The following SCARB1 variants were observed in gnomAD, a reference collection of about 807,000 sequenced individuals.
SCARB1 encodes the protein scavenger receptor class B member 1.
A neutral mutation model predicts 57.2 loss-of-function variants in SCARB1; 30 were observed. The observed-to-expected ratio is 0.52, with a 90% confidence interval of 0.39 to 0.71. SCARB1 has a LOEUF of 0.71. Among genes scored for constraint, SCARB1 ranks in the 30% least tolerant of loss-of-function variants. The pLI, the probability that SCARB1 is intolerant of heterozygous loss-of-function variation, is 0.00. For synonymous variants in SCARB1, 249 were observed against 268.3 expected (o/e 0.93, Z 0.70); for missense variants, 543 against 671.2 (o/e 0.81, Z 2.11).
chr12:124,832,987 G>A (rs1951468517), intron 1 of SCARB1, among the ~76,000 whole-genome samples: 2 of 152,006 alleles, frequency 1.3e-5, no homozygotes, highest in Non-Finnish European at 2.9e-5. Context: ...TCCTTCTGGA[G>A]CTCAGGGGGA....
At chr12:124,860,141 A>G (rs1169201871) in intron 1 of SCARB1, among the ~76,000 whole-genome samples, 3 of 152,086 alleles carry the variant, frequency 2.0e-5, no homozygotes, top group Non-Finnish European at 4.4e-5. Flanking sequence ...TAGTAGAGAC[A>G]GGGTTTAGCC....
chr12:124,801,153 C>G (rs1252257638), intron 7 of SCARB1, among the ~76,000 whole-genome samples: 1 of 152,130 alleles, frequency 6.6e-6, no homozygotes, highest in African/African-American at 2.4e-5. Context: ...GAGCCGTGAC[C>G]GTGCCACTGC....
At chr12:124,835,718 G>C (rs2093814683) in intron 1 of SCARB1, among the ~76,000 whole-genome samples, 2 of 152,210 alleles carry the variant, frequency 1.3e-5, no homozygotes, top group Admixed American at 1.3e-4. Context: ...GATTTTGCCA[G>C]TAGATGGGTT....
chr12:124,793,488 T>C (rs1457519608), intron 9 of SCARB1, among the ~76,000 whole-genome samples: 1 of 151,266 alleles, frequency 6.6e-6, no homozygotes, highest in African/African-American at 2.4e-5. Flanking sequence ...GGTCAGGAGA[T>C]CGAGACCAAC....
intron 12 of SCARB1, among the ~76,000 whole-genome samples, chr12:124,779,636 A>G (rs1873041565): frequency 6.6e-6 from 1 of 152,206 alleles, no homozygotes; most frequent in South Asian, 2.1e-4. Context: ...AAATTTCTCA[A>G]CTTAAAAATT....
intron 7 of SCARB1, among the ~76,000 whole-genome samples, chr12:124,802,947 C>T (rs545595292): frequency 1.1e-4 from 16 of 152,230 alleles, no homozygotes; most frequent in African/African-American, 2.9e-4. Context: ...ACCACGGTCA[C>T]GGTCGAAAAA....
intron 1 of SCARB1, among the ~76,000 whole-genome samples, chr12:124,848,170 G>A (rs537158176): frequency 7.2e-5 from 11 of 152,244 alleles, no homozygotes; most frequent in Middle Eastern, 3.4e-3. Context: ...TGCAACCTCC[G>A]CCTCCTGGGT....
chr12:124,811,777 G>T, intron 5 of SCARB1, 93 bp downstream of exon 5: 1 of 803,438 alleles, frequency 1.2e-6, no homozygotes. Context: ...AAGGAAGAAG[G>T]AGCTCTCTGG....
Position 124,817,758 on chromosome 12 carries a change from C to A in SCARB1, c.127-51G>T. 6.2e-7 allele frequency: 1 copy of A among 1,600,344 alleles called. No homozygotes were observed. Among genetic ancestry groups the A allele is most frequent in the Non-Finnish European group, 8.6e-7 (1 of 1,167,958 alleles). ...TGTGAGGAGAGTGATGAGGGCCCCA[C>A]GCCCCACCACAAGGCTCCGGAACAG... On this transcript the variant is annotated intron_variant, in intron 1 of 12. Coordinates refer to ENST00000261693, the MANE Select transcript of SCARB1 (RefSeq NM_005505.5). The surrounding 1 kb of genome is among the most constrained non-coding windows in gnomAD (Gnocchi z 4.8).
chr12:124,808,714 A>G (rs2135646551), intron 6 of SCARB1, among the ~76,000 whole-genome samples: 1 of 151,336 alleles, frequency 6.6e-6, no homozygotes, highest in South Asian at 2.1e-4. Context: ...TGTGCTACCC[A>G]CTCTGTCCAC....
intron 1 of SCARB1, among the ~76,000 whole-genome samples, chr12:124,832,344 A>G (rs1354069211): frequency 1.3e-5 from 2 of 152,148 alleles, no homozygotes; most frequent in Non-Finnish European, 2.9e-5. Context: ...ACATAGTGAA[A>G]TCCCGACTCT....
Position 124,817,847 on chromosome 12 carries a change from A to G in SCARB1, c.127-140T>C. Reference sequence around the variant, plus strand: ...AGCTTGGGATAGGAGGTGGTGGGAAAGCCCTTCGCACATGAGGCTGTCGCA... The same window carrying G: ...AGCTTGGGATAGGAGGTGGTGGGAAGGCCCTTCGCACATGAGGCTGTCGCA... On this transcript the variant is annotated intron_variant, in intron 1 of 12. Coordinates refer to ENST00000261693, the MANE Select transcript of SCARB1 (RefSeq NM_005505.5). This position sits in a 1 kb window ranked among gnomAD's most constrained non-coding sequence, Gnocchi z 4.8. 2.3e-6 allele frequency: 2 copies of G among 870,374 alleles called. No homozygotes were observed. Among genetic ancestry groups the G allele is most frequent in the South Asian group, 2.7e-5 (2 of 74,960 alleles). The allele number at this position is 870,374 out of a possible 1,614,324, so 53.9% of individuals were successfully genotyped here.
intron 2 of SCARB1, among the ~76,000 whole-genome samples, chr12:124,815,781 G>A (rs1288074307): frequency 1.3e-5 from 2 of 152,274 alleles, no homozygotes; most frequent in Middle Eastern, 3.4e-3. Flanking sequence ...CAGGAGAATC[G>A]CTTGAACCTG....
Position 124,782,801 on chromosome 12 carries a change from T to C in SCARB1, c.1412A>G (p.Tyr471Cys), listed in dbSNP as rs781780915. 1.7e-5 allele frequency: 27 copies of C among 1,613,938 alleles called. No individual in the cohort carries two copies. Among genetic ancestry groups the C allele is most frequent in the Non-Finnish European group, 2.3e-5 (27 of 1,179,834 alleles). ...ICQIRSQEKC[Y>C]LFWSSSKKGS... ...CTTTTTACTACTACTCCAAAATAAATAGCATTTCTCCTAGAAGATAACCAA... is the reference window on the plus strand; with the variant it reads ...CTTTTTACTACTACTCCAAAATAAACAGCATTTCTCCTAGAAGATAACCAA... Residue 471 changes from tyrosine to cysteine, a missense_variant, in exon 12 of 13, where the codon TAT becomes TGT. Transcript: ENST00000261693.
At chr12:124,787,942 A>G (rs1949582587) in intron 9 of SCARB1, among the ~76,000 whole-genome samples, 1 of 152,182 alleles carries the variant, frequency 6.6e-6, no homozygotes, top group Non-Finnish European at 1.5e-5. Flanking sequence ...TTATTATAGT[A>G]TTTGTTATAA....
intron 12 of SCARB1, among the ~76,000 whole-genome samples, chr12:124,779,669 A>C (rs1873052556): frequency 6.6e-6 from 1 of 152,008 alleles, no homozygotes; most frequent in African/African-American, 2.4e-5. Context: ...AATGCTAATG[A>C]TAAGAGTGTG....
At chr12:124,801,913 G>C (rs984072916) in intron 7 of SCARB1, among the ~76,000 whole-genome samples, 5 of 151,866 alleles carry the variant, frequency 3.3e-5, no homozygotes, top group African/African-American at 1.2e-4. Context: ...CACTTTAGGA[G>C]GCCGAGGCGG....
rs539357133 is a variant in SCARB1, at chr12:124,781,969, G to A, written c.*714C>T. Among the ~76,000 whole-genome samples the A allele has an allele frequency of 1.2e-3, 185 of 152,154 alleles. 1 individual carries two copies. Among genetic ancestry groups the A allele is most frequent in the African/African-American group, 4.2e-3 (173 of 41,510 alleles). On this transcript the variant is annotated intron_variant, in intron 12 of 12. Transcript: ENST00000261693. ...CACCCAGGCTGGAGTGCAGTGGCAC[G>A]ATCTTGGCTCACTGCAACCTCCATC...
At chr12:124,862,672 C>T (rs1952945613) in intron 1 of SCARB1, among the ~76,000 whole-genome samples, 1 of 130,006 alleles carries the variant, frequency 7.7e-6, no homozygotes, top group Non-Finnish European at 1.6e-5. Context: ...TTTCCCCTCC[C>T]CGCCACTGCA....
Sources: allele counts gnomAD v4.1 joint callset (sites outside exome capture counted in the v4.1 genomes callset), GRCh38; gene constraint gnomAD v4.1.1; non-coding constraint Gnocchi (gnomAD v3.1); transcripts MANE v1.5; gene names NCBI Gene and HGNC (gene_info 2026-07-23, HGNC 2026-07-21).